The following ZFYVE26 variants were observed in gnomAD, a reference collection of about 807,000 sequenced individuals.
ZFYVE26 encodes the protein zinc finger FYVE domain-containing protein 26.
Under a neutral mutation model 276.5 loss-of-function variants are expected in ZFYVE26, and 181 were observed. The ratio of observed to expected loss-of-function variants is 0.65; its 90% confidence interval spans 0.58 to 0.74. The LOEUF is 0.74. Ranked by LOEUF, ZFYVE26 falls within the 30% of genes least tolerant of loss-of-function variation. The probability of loss-of-function intolerance (pLI) is 0.00; values close to 1 mark genes in which losing one functional copy is unlikely to be tolerated. For synonymous variants in ZFYVE26, 1,129 were observed against 1,203.1 expected, an observed-to-expected ratio of 0.94 and a Z score of 1.27; for missense variants, 2,821 against 3,097.9, an observed-to-expected ratio of 0.91 and a Z score of 2.12.
chr14:67,787,004 T>C (rs964091333), intron 16 of ZFYVE26, among the ~76,000 whole-genome samples: 3 of 151,918 alleles, frequency 2.0e-5, no homozygotes, highest in Non-Finnish European at 2.9e-5. Context: ...ACTGAATTCA[T>C]GGAGATAGAG....
intron 23 of ZFYVE26, among the ~76,000 whole-genome samples, chr14:67,778,949 C>T (rs897246122): frequency 1.3e-5 from 2 of 152,170 alleles, no homozygotes; most frequent in African/African-American, 4.8e-5. Context: ...GTTGCAGTCA[C>T]CTAGGGATGC....
At chr14:67,775,486 G>T (rs1004999348) in intron 26 of ZFYVE26, among the ~76,000 whole-genome samples, 1 of 152,178 alleles carries the variant, frequency 6.6e-6, no homozygotes, top group Non-Finnish European at 1.5e-5. Context: ...TGTAGAAGAG[G>T]CTGAGTCAGC....
At chr14:67,804,815 A>G (rs2040144032) in intron 8 of ZFYVE26, among the ~76,000 whole-genome samples, 1 of 152,202 alleles carries the variant, frequency 6.6e-6, no homozygotes, top group South Asian at 2.1e-4. Context: ...GTGACTTTGG[A>G]CAAGTTATTT....
chr14:67,775,414 T>G (rs1324989642), intron 26 of ZFYVE26, among the ~76,000 whole-genome samples: 1 of 151,564 alleles, frequency 6.6e-6, no homozygotes, highest in East Asian at 1.9e-4. Flanking sequence ...CCCTGGAGAG[T>G]AGGGAGTAAG....
At chr14:67,794,382 G>T in intron 12 of ZFYVE26, 143 bp from the exon 13 acceptor site, 2 of 853,704 alleles carry the variant, frequency 2.3e-6, no homozygotes, top group Non-Finnish European at 4.0e-6. Flanking sequence ...TCCTTCTACA[G>T]CAAAACACAA....
chr14:67,733,765 G>A, intron 13 of ZFYVE26: 1 of 1,613,230 alleles, frequency 6.2e-7, no homozygotes, highest in Non-Finnish European at 8.5e-7. Flanking sequence ...GAGGACCTGG[G>A]TGTCTCCAAG....
At chr14:67,787,325 C>T (rs1305670041) in intron 16 of ZFYVE26, among the ~76,000 whole-genome samples, 7 of 151,798 alleles carry the variant, frequency 4.6e-5, no homozygotes, top group Non-Finnish European at 1.0e-4. Context: ...CACTGCACTC[C>T]AGCCTGGGTG....
At chr14:67,754,293 T>C in intron 37 of ZFYVE26, 81 bp from the exon 38 acceptor site, 3 of 1,570,628 alleles carry the variant, frequency 1.9e-6, no homozygotes, top group Non-Finnish European at 2.6e-6. Context: ...AGTCGAATAA[T>C]ATGGCAATGA....
chr14:67,743,136 C>T (rs1174204569), downstream of ZFYVE26, among the ~76,000 whole-genome samples: 3 of 151,964 alleles, frequency 2.0e-5, no homozygotes, highest in African/African-American at 4.8e-5. Context: ...TGTGCCTGGC[C>T]GGCACAGAGG....
intron 32 of ZFYVE26, among the ~76,000 whole-genome samples, chr14:67,765,328 G>A (rs1259098909): frequency 2.0e-5 from 3 of 152,008 alleles, no homozygotes; most frequent in Non-Finnish European, 4.4e-5. Flanking sequence ...CCATTTACAT[G>A]GATGATCTCA....
At position 67,805,477 on chromosome 14, in the gene ZFYVE26, G is replaced by A. The variant is rs76738736; in HGVS notation, c.1159C>T (p.Leu387Phe). Residue 387 changes from leucine (L) to phenylalanine (F), a missense_variant, in exon 7 of 42, where the codon CTC (leucine) becomes TTC (phenylalanine). Leu to Phe is a conservative substitution (Grantham distance 22). Coordinates refer to ENST00000347230, the MANE Select transcript of ZFYVE26 (RefSeq NM_015346.4). ...CQSLESAKRL[L>F]QTLHRTQGPG... Reference sequence around the variant, plus strand: ...ACCTGGGTCCTGTGCAGGGTCTGGAGCAGCCTCTTGGCTGACTCTAGGCTC... The same window carrying A: ...ACCTGGGTCCTGTGCAGGGTCTGGAACAGCCTCTTGGCTGACTCTAGGCTC... 138 of 1,614,230 alleles carry A rather than the reference G, an allele frequency of 8.5e-5. No homozygotes were observed. In the East Asian group the frequency reaches 2.9e-3, roughly 33 times the overall value.
rs757482210 is a variant in ZFYVE26 at position 67,798,416 on chromosome 14, G to C, written c.1846C>G (p.Pro616Ala). 1.9e-6 allele frequency: 3 copies of C among 1,613,318 alleles called. No individual in the cohort carries two copies. The highest frequency in any genetic ancestry group is 2.5e-6 in the Non-Finnish European group (3 of 1,179,360). ...GCTATGTGCTGAGGGCTCTCTGATG[G>C]GGACCTCAAACCTGAGGGGCTCTTC... ...EGKSPSGLRS[P>A]SESPQHIAHP... is the part of the protein sequence containing the mutation. The change falls in exon 11 of 42, where the codon CCA (proline) becomes GCA (alanine). Residue 616 changes from proline to alanine, a missense_variant. Transcript: ENST00000347230.
Position 67,815,750 on chromosome 14 carries a change from TAGGA to T in ZFYVE26, c.194+16_194+19del, listed in dbSNP as rs761084124. The T allele has an allele frequency of 6.2e-7, 1 of 1,611,924 alleles. No individual in the cohort carries two copies. Among genetic ancestry groups the T allele is most frequent in the Non-Finnish European group, 8.5e-7 (1 of 1,179,524 alleles). On this transcript the variant is annotated intron_variant, in intron 2 of 41. Transcript: ENST00000347230. The stretch of plus-strand genomic sequence containing the variant: ...TGTCTCTCACCCTGGGACCGTCTGG[TAGGA>T]AAAGAGATCCCTTACCTCAGCAGAT...
chr14:67,754,705 C>T lies in ZFYVE26; in HGVS notation c.6986+346G>A, dbSNP rs535175663. Among the ~76,000 whole-genome samples the T allele has an allele frequency of 2.0e-5, 3 of 152,246 alleles. No homozygotes were observed. The South Asian group carries it at 6.2e-4, about 32-fold the overall frequency. ...ATTAAGGACTTGGTGTGTTGAGGAG[C>T]CCTGAGGAGGCCAGGGATCGATGCT... is the stretch of plus-strand genomic sequence containing the variant. On this transcript the variant is annotated intron_variant, in intron 37 of 41. Transcript: ENST00000347230.
chr14:67,800,228 G>GA (rs1195576478), intron 10 of ZFYVE26, among the ~76,000 whole-genome samples: 8 of 152,150 alleles, frequency 5.3e-5, no homozygotes, highest in Non-Finnish European at 8.8e-5. Context: ...ATGTGACCTA[G>GA]AAAAAATGTG....
At position 67,814,049 on chromosome 14, in the gene ZFYVE26, G is replaced by A; in HGVS notation, c.210C>T (p.Ile70=). Residue 70 remains isoleucine (I), a synonymous_variant, in exon 3 of 42, where the codon ATC becomes ATT. Transcript: ENST00000347230. ...AGACCCAGGCTACTCTTTGAGGGTTGATGTCCTGCCCACATCTGAAAAAGG... is the reference window on the plus strand; with the variant it reads ...AGACCCAGGCTACTCTTTGAGGGTTAATGTCCTGCCCACATCTGAAAAAGG... ...CPNLLRCGQD[I]NPQRVAWVWL... 1 of 1,613,708 alleles carries A rather than the reference G, an allele frequency of 6.2e-7. No homozygotes were observed. The highest frequency in any genetic ancestry group is 8.5e-7 in the Non-Finnish European group (1 of 1,179,698).
intron 14 of ZFYVE26, among the ~76,000 whole-genome samples, 160 bp from the exon 15 acceptor site, chr14:67,790,933 T>C (rs570632038): frequency 1.8e-4 from 28 of 152,208 alleles, no homozygotes; most frequent in Non-Finnish European, 3.8e-4. Flanking sequence ...AGGTCAACTA[T>C]AAAAAATAAT....
At position 67,776,092 on chromosome 14, in the gene ZFYVE26, C is replaced by A; in HGVS notation, c.4989G>T (p.Leu1663=). The A allele has an allele frequency of 6.2e-7, 1 of 1,614,144 alleles. No individual in the cohort carries two copies. Among genetic ancestry groups the A allele is most frequent in the Non-Finnish European group, 8.5e-7 (1 of 1,180,006 alleles). ...LYVGSKILLT[L]PEQHRASYSH... ...AATAGCTGGCCCGGTGCTGCTCAGG[C>A]AGGGTCAGCAGAATCTGTTTGTGGG... Residue 1663 remains leucine (L), a synonymous_variant, in exon 26 of 42, where the codon CTG becomes CTT. Transcript: ENST00000347230.
intron 41 of ZFYVE26, among the ~76,000 whole-genome samples, chr14:67,749,565 T>G (rs968793175): frequency 6.6e-6 from 1 of 152,226 alleles, no homozygotes; most frequent in African/African-American, 2.4e-5. Flanking sequence ...CCCTTTCTGC[T>G]GCAATAATCC....
Sources: gnomAD v4.1 joint callset for allele counts (sites outside exome capture counted in the v4.1 genomes callset) on GRCh38, gnomAD v4.1.1 for gene constraint, MANE v1.5 for transcripts, NCBI Gene and HGNC (gene_info 2026-07-23, HGNC 2026-07-21) for gene names.